The following TMEM59 variants were observed in gnomAD, a reference collection of about 807,000 sequenced individuals.
TMEM59 encodes the protein dendritic cell factor 1.
Under a neutral mutation model 42.2 loss-of-function variants are expected in TMEM59, and 44 were observed. That is an observed-to-expected ratio of 1.04 (90% CI 0.82 to 1.34). TMEM59 has a LOEUF of 1.34. Among genes scored for constraint, TMEM59 ranks in the 40% most tolerant of loss-of-function variants. The probability of loss-of-function intolerance (pLI) is 0.00; values close to 1 mark genes in which losing one functional copy is unlikely to be tolerated. For synonymous variants in TMEM59, 148 were observed against 145.8 expected (o/e 1.02, Z -0.11); for missense variants, 359 against 382.8 (o/e 0.94, Z 0.52).
intron 6 of TMEM59, among the ~76,000 whole-genome samples, chr1:54,038,349 AAC>A (rs1483435774): frequency 8.1e-4 from 124 of 152,312 alleles, no homozygotes; most frequent in African/African-American, 3.0e-3. Context: ...CTCCCCTTGA[AAC>A]CTCCAGTAGA....
intron 6 of TMEM59, among the ~76,000 whole-genome samples, chr1:54,037,354 T>C (rs543945046): frequency 1.3e-5 from 2 of 152,350 alleles, no homozygotes; most frequent in South Asian, 4.1e-4. Context: ...AGGCCAGTTA[T>C]GAGAATCAGC....
rs1656731879 is a variant in TMEM59, at chr1:54,030,479, G to C, written c.*1671C>G. The C allele has an allele frequency of 6.6e-6, 1 of 152,194 alleles. No homozygotes were observed. The allele number at this position is 152,194 out of a possible 1,614,324, so 9.4% of individuals were successfully genotyped here. On this transcript the variant is annotated 3_prime_UTR_variant, in exon 8 of 8. Coordinates refer to ENST00000234831, the MANE Select transcript of TMEM59 (RefSeq NM_004872.5). The stretch of plus-strand genomic sequence containing the variant: ...ATGTTTGTTTGTATTTTTTTGTACA[G>C]AGAGGGTCTTGCTATGTTGCCCAGG...
At chr1:54,051,475 TA>T (rs1657536819) in intron 1 of TMEM59, among the ~76,000 whole-genome samples, 1 of 152,210 alleles carries the variant, frequency 6.6e-6, no homozygotes, top group South Asian at 2.1e-4. Flanking sequence ...TTTATAGATA[TA>T]ACACCAATTG....
intron 7 of TMEM59, chr1:54,034,053 G>A (rs1656860324): frequency 6.7e-6 from 1 of 150,124 alleles, no homozygotes; most frequent in Non-Finnish European, 1.5e-5. Flanking sequence ...GAGAGGCAGA[G>A]GTTTGCAGTG....
intron 1 of TMEM59, chr1:54,048,592 GATAAA>G (rs965493828): frequency 2.7e-5 from 10 of 372,082 alleles, no homozygotes; most frequent in African/African-American, 1.1e-4. Context: ...GTTTTTCTTT[GATAAA>G]ATAAAAGTAT....
At chr1:54,040,504 C>T (rs1026910336) in intron 6 of TMEM59, among the ~76,000 whole-genome samples, 1 of 152,112 alleles carries the variant, frequency 6.6e-6, no homozygotes, top group African/African-American at 2.4e-5. Context: ...GAAGCACATT[C>T]AACATAAATC....
intron 1 of TMEM59, among the ~76,000 whole-genome samples, chr1:54,051,464 G>C (rs1242261318): frequency 6.6e-6 from 1 of 152,120 alleles, no homozygotes; most frequent in Non-Finnish European, 1.5e-5. Flanking sequence ...AGTAAAAATA[G>C]TTTATAGATA....
rs1569928098 is a variant in TMEM59, at chr1:54,031,454, A to T, written c.*696T>A. The T allele has an allele frequency of 1.3e-5, 2 of 152,458 alleles. No individual in the cohort carries two copies. The highest frequency in any genetic ancestry group is 4.8e-5 in the African/African-American group (2 of 41,576). The allele number at this position is 152,458 out of a possible 1,614,324, so 9.4% of individuals were successfully genotyped here. A position where few individuals can be genotyped will look rare whatever the true frequency, so the allele number is the denominator to read the frequency against. On this transcript the variant is annotated 3_prime_UTR_variant, in exon 8 of 8. Transcript: ENST00000234831. ...TACTTGATATGCTATCTAACAGAGA[A>T]AAATAGTTCTTTGGAAACACTCATC...
rs1657373173 is a variant in TMEM59 at position 54,047,289 on chromosome 1, T to C, written c.273A>G (p.Arg91=). 1 of 1,613,638 alleles carries C rather than the reference T, an allele frequency of 6.2e-7. No individual in the cohort carries two copies. ...QFVDDGIDLN[R]TKLECESACT... Reference sequence around the variant, plus strand: ...TACCAGATTCACATTCCAATTTAGTTCGATTTAAGTCAATTCCATCATCCA... The same window carrying C: ...TACCAGATTCACATTCCAATTTAGTCCGATTTAAGTCAATTCCATCATCCA... Residue 91 remains arginine (R), a synonymous_variant, in exon 2 of 8, where the codon CGA becomes CGG. Transcript: ENST00000234831.
In TMEM59 at chr1:54,027,697, A is replaced by C. The variant is rs1379419023; in HGVS notation, c.*4453T>G. On this transcript the variant is annotated 3_prime_UTR_variant, in exon 8 of 8. Coordinates refer to ENST00000234831, the MANE Select transcript of TMEM59 (RefSeq NM_004872.5). ...GGCACGAGAATCGCTTGAACCTGGG[A>C]GCTGTGGAGGTTGCAGTGAGTCAAG... is the stretch of plus-strand genomic sequence containing the variant. 2 of 151,892 alleles carry C rather than the reference A, an allele frequency of 1.3e-5. No individual in the cohort carries two copies. Among genetic ancestry groups the C allele is most frequent in the Non-Finnish European group, 2.9e-5 (2 of 68,036 alleles). The allele number at this position is 151,892 out of a possible 1,614,324, so 9.4% of individuals were successfully genotyped here. A position where few individuals can be genotyped will look rare whatever the true frequency, so the allele number is the denominator to read the frequency against.
chr1:54,036,347 T>A (rs1195931358), intron 7 of TMEM59, among the ~76,000 whole-genome samples: 1 of 151,874 alleles, frequency 6.6e-6, no homozygotes, highest in Non-Finnish European at 1.5e-5. Context: ...CTTTTCAGTC[T>A]TAGAGAGTCA....
intron 1 of TMEM59, among the ~76,000 whole-genome samples, chr1:54,050,337 G>A (rs1657486902): frequency 6.6e-6 from 1 of 151,956 alleles, no homozygotes; most frequent in Non-Finnish European, 1.5e-5. Flanking sequence ...TGGTCAGGCT[G>A]ATCTTGAACT....
chr1:54,039,751 TG>T (rs1657076169), intron 6 of TMEM59, among the ~76,000 whole-genome samples: 2 of 152,126 alleles, frequency 1.3e-5, no homozygotes, highest in Non-Finnish European at 2.9e-5. Flanking sequence ...ATGCTTGACC[TG>T]GTATCTGACA....
chr1:54,053,329 G>C (rs537074566), upstream of TMEM59: 6 of 952,854 alleles, frequency 6.3e-6, no homozygotes, highest in African/African-American at 9.9e-5. Flanking sequence ...GCCCTCACCC[G>C]CCAGAAACTG....
chr1:54,052,862 A>T, intron 1 of TMEM59, 138 bp downstream of exon 1: 4 of 981,334 alleles, frequency 4.1e-6, no homozygotes, highest in Non-Finnish European at 6.0e-6. Context: ...ATTAGGGAGG[A>T]AAACAGGAGC....
chr1:54,051,398 G>A (rs1657534317), intron 1 of TMEM59, among the ~76,000 whole-genome samples: 1 of 152,110 alleles, frequency 6.6e-6, no homozygotes, highest in East Asian at 1.9e-4. Context: ...TCAAGTCCAG[G>A]ACCTATAGGG....
chr1:54,034,991 T>C (rs1656899159), intron 7 of TMEM59: 1 of 152,140 alleles, frequency 6.6e-6, no homozygotes, highest in South Asian at 2.1e-4. Flanking sequence ...AAGAAGCCAC[T>C]GAAGGGAGGT....
At chr1:54,033,846 G>A (rs1656853061) in intron 7 of TMEM59, 1 of 152,028 alleles carries the variant, frequency 6.6e-6, no homozygotes, top group African/African-American at 2.4e-5. Context: ...GGCTGGGCGT[G>A]GTGGCTCAAG....
intron 3 of TMEM59, chr1:54,044,233 C>A (rs888099453): frequency 2.3e-4 from 34 of 145,016 alleles, no homozygotes; most frequent in African/African-American, 8.4e-4. Flanking sequence ...GTCCCAGCTA[C>A]TCAGGAGGCT....
Sources: allele counts gnomAD v4.1 joint callset (sites outside exome capture counted in the v4.1 genomes callset), GRCh38; gene constraint gnomAD v4.1.1; transcripts MANE v1.5; gene names NCBI Gene and HGNC (gene_info 2026-07-23, HGNC 2026-07-21).